Variants in DNAAF11 observed in about 807,000 individuals in gnomAD.
DNAAF11 encodes the protein dynein axonemal assembly factor 11, also known as leucine rich repeat containing 6.
A neutral mutation model predicts 60.8 loss-of-function variants in DNAAF11; 45 were observed. That is an observed-to-expected ratio of 0.74 (90% CI 0.58 to 0.95). The LOEUF is 0.95. Ranked by LOEUF, DNAAF11 falls within the 40% of genes least tolerant of loss-of-function variation. The pLI is 0.00. For missense variants in DNAAF11, 546 were observed against 546.2 expected, an observed-to-expected ratio of 1.00 and a Z score of 0.00; for synonymous variants, 191 against 183.5, an observed-to-expected ratio of 1.04 and a Z score of -0.33.
the DNAAF11 span, among the ~76,000 whole-genome samples, chr8:132,691,830 C>A: frequency 6.6e-6 from 1 of 152,096 alleles, no homozygotes. Context: ...GGTGGGGACA[C>A]AAGCCTAACC....
intron 10 of DNAAF11, among the ~76,000 whole-genome samples, chr8:132,584,116 A>T (rs894208130): frequency 1.3e-5 from 2 of 152,132 alleles, no homozygotes; most frequent in Admixed American, 1.3e-4. Flanking sequence ...TGTGATGGAA[A>T]CACTGCCTTT....
chr8:132,684,519 C>CA, the DNAAF11 span, among the ~76,000 whole-genome samples: 6 of 152,210 alleles, frequency 3.9e-5, no homozygotes, highest in Admixed American at 3.9e-4. Context: ...CCTCACCCCC[C>CA]ACACTAAGTT....
chr8:132,661,554 C>A lies in DNAAF11; in HGVS notation c.84G>T (p.Leu28Phe), dbSNP rs986071245. 1.9e-6 allele frequency: 3 copies of A among 1,613,798 alleles called. No homozygotes were observed. The highest frequency in any genetic ancestry group is 1.7e-6 in the Non-Finnish European group (2 of 1,179,842). The change falls in exon 2 of 12, where the codon TTG becomes TTT. Residue 28 changes from leucine to phenylalanine, a missense_variant. By Grantham distance (22) the Leu-to-Phe change is conservative. Transcript: ENST00000620350. ...CVIFSLEELS[L>F]HQQEIERLEH... Reference sequence around the variant, plus strand: ...CTAGTCTTTCTATTTCTTGCTGATGCAACGAGAGTTCCTCCAGGGAAAAAA... The same window carrying A: ...CTAGTCTTTCTATTTCTTGCTGATGAAACGAGAGTTCCTCCAGGGAAAAAA...
chr8:132,645,113 A>C (rs1182173589), intron 3 of DNAAF11, among the ~76,000 whole-genome samples: 3 of 152,170 alleles, frequency 2.0e-5, no homozygotes, highest in African/African-American at 7.2e-5. Context: ...TCATACAGCC[A>C]AGTGCCCCTC....
At chr8:132,671,826 CACA>C in intron 1 of DNAAF11, among the ~76,000 whole-genome samples, 1 of 149,046 alleles carries the variant, frequency 6.7e-6, no homozygotes, top group Non-Finnish European at 1.5e-5. Context: ...AAAAAACACA[CACA>C]ACAACAATGT....
chr8:132,615,099 TAAG>T lies in DNAAF11; in HGVS notation c.915-5_915-3del. On this transcript the variant is annotated splice_polypyrimidine_tract_variant and splice_region_variant and intron_variant, in intron 7 of 11. Coordinates refer to ENST00000620350, the MANE Select transcript of DNAAF11 (RefSeq NM_012472.6). Reference sequence around the variant, plus strand: ...TTATCTTTCAAAGAGAAGTCAATTCTAAGAATAACACATTTGGTGGGAAAAAAG... The same window carrying T: ...TTATCTTTCAAAGAGAAGTCAATTCTAATAACACATTTGGTGGGAAAAAAG... 6.3e-7 allele frequency: 1 copy of T among 1,597,612 alleles called. No homozygotes were observed. Among genetic ancestry groups the T allele is most frequent in the Middle Eastern group, 1.7e-4 (1 of 6,022 alleles).
At chr8:132,639,415 C>G (rs568205819) in intron 3 of DNAAF11, among the ~76,000 whole-genome samples, 2 of 152,150 alleles carry the variant, frequency 1.3e-5, no homozygotes, top group South Asian at 4.1e-4. Flanking sequence ...TTCTACACAC[C>G]CTTCCATTAT....
At chr8:132,657,040 A>T (rs1823647144) in intron 2 of DNAAF11, 133 bp from the exon 3 acceptor site, 1 of 469,412 alleles carries the variant, frequency 2.1e-6, no homozygotes, top group East Asian at 4.1e-5. Context: ...CACTTTTCCA[A>T]ATCTATACCT....
At chr8:132,670,688 A>G (rs1012392685) in intron 1 of DNAAF11, among the ~76,000 whole-genome samples, 6 of 152,200 alleles carry the variant, frequency 3.9e-5, no homozygotes, top group Admixed American at 2.0e-4. Flanking sequence ...TACCTCATGA[A>G]CACATATGTA....
the DNAAF11 span, among the ~76,000 whole-genome samples, chr8:132,695,463 C>A: frequency 1.6e-4 from 24 of 152,194 alleles, no homozygotes; most frequent in East Asian, 4.6e-3. Context: ...GGAAGGAAGG[C>A]AGAGTAGGAA....
At position 132,642,468 on chromosome 8, in the gene DNAAF11, A is replaced by G. The variant is rs536256444; in HGVS notation, c.257-4361T>C. 1.7e-4 allele frequency among the ~76,000 whole-genome samples: 26 copies of G among 152,344 alleles called. 1 individual carries two copies. Among genetic ancestry groups the G allele is most frequent in the African/African-American group, 6.3e-4 (26 of 41,584 alleles). ...ACTTGCCTGACCAACAGACTGTGGAACCAGTGAAGCTCTGGGGCTGCCTAG... is the reference window on the plus strand; with the variant it reads ...ACTTGCCTGACCAACAGACTGTGGAGCCAGTGAAGCTCTGGGGCTGCCTAG... On this transcript the variant is annotated intron_variant, in intron 3 of 11. Coordinates refer to ENST00000620350, the MANE Select transcript of DNAAF11 (RefSeq NM_012472.6).
intron 1 of DNAAF11, among the ~76,000 whole-genome samples, chr8:132,667,043 A>C (rs920027129): frequency 1.3e-5 from 2 of 152,214 alleles, no homozygotes; most frequent in Non-Finnish European, 2.9e-5. Context: ...ACAGCACAGC[A>C]CTGAAGGAAT....
At chr8:132,690,467 A>G in the DNAAF11 span, among the ~76,000 whole-genome samples, 6 of 152,210 alleles carry the variant, frequency 3.9e-5, no homozygotes, top group African/African-American at 9.6e-5. Context: ...TGAGTCAATT[A>G]AACTTCCTTT....
chr8:132,658,355 C>T (rs1823784444), intron 2 of DNAAF11, among the ~76,000 whole-genome samples: 1 of 152,120 alleles, frequency 6.6e-6, no homozygotes, highest in African/African-American at 2.4e-5. Flanking sequence ...CAGAGTCTCA[C>T]TCTGTTGCCC....
intron 10 of DNAAF11, among the ~76,000 whole-genome samples, chr8:132,597,242 C>T (rs1351842544): frequency 6.6e-6 from 1 of 152,178 alleles, no homozygotes. Flanking sequence ...GTTGATGGGT[C>T]TGTTTCAAGA....
rs1399911710 is a variant in DNAAF11, at chr8:132,571,430, AAAG to A, written c.*873_*875del. On this transcript the variant is annotated 3_prime_UTR_variant, in exon 12 of 12. Coordinates refer to ENST00000620350, the MANE Select transcript of DNAAF11 (RefSeq NM_012472.6). ...ATATTGAATTCATAATGTTCTAGATAAAGAAGAGGTAGGATATTAAAAAAGTAA... is the reference window on the plus strand; with the variant it reads ...ATATTGAATTCATAATGTTCTAGATAAAGAGGTAGGATATTAAAAAAGTAA... 5.9e-5 allele frequency among the ~76,000 whole-genome samples: 9 copies of A among 152,160 alleles called. No homozygotes were observed. The highest frequency in any genetic ancestry group is 1.3e-4 in the Non-Finnish European group (9 of 68,044).
At chr8:132,678,200 TC>T (rs1232017293), upstream of DNAAF11, among the ~76,000 whole-genome samples, 1 of 152,052 alleles carries the variant, frequency 6.6e-6, no homozygotes, top group East Asian at 1.9e-4. Flanking sequence ...CAAGTTCCAG[TC>T]CCCCATCCCC....
At chr8:132,689,587 T>C in the DNAAF11 span, among the ~76,000 whole-genome samples, 1 of 152,200 alleles carries the variant, frequency 6.6e-6, no homozygotes, top group South Asian at 2.1e-4. Context: ...ATATACTATA[T>C]ACATTAATTT....
chr8:132,625,145 A>G, intron 6 of DNAAF11, 127 bp downstream of exon 6: 1 of 618,084 alleles, frequency 1.6e-6, no homozygotes. Context: ...AGCTATACTT[A>G]GAAAAAACAA....
Sources: allele counts gnomAD v4.1 joint callset (sites outside exome capture counted in the v4.1 genomes callset), GRCh38; gene constraint gnomAD v4.1.1; transcripts MANE v1.5; gene names NCBI Gene and HGNC (gene_info 2026-07-23, HGNC 2026-07-21).